USF3: variants seen among roughly 807,000 people sequenced by gnomAD.
The protein encoded by USF3 is upstream transcription factor family member 3.
A neutral mutation model predicts 157.5 loss-of-function variants in USF3; 29 were observed. The observed-to-expected ratio is 0.18, with a 90% confidence interval of 0.14 to 0.25. The LOEUF (loss-of-function observed/expected upper bound fraction) is 0.25, where lower values mean the gene tolerates loss of function less well. USF3 is among the 10% of genes least tolerant of loss of function. The pLI, the probability that USF3 is intolerant of heterozygous loss-of-function variation, is 1.00. For missense variants in USF3, 2,381 were observed against 2,667.6 expected (o/e 0.89, Z 2.37); for synonymous variants, 893 against 941.4 (o/e 0.95, Z 0.94).
At chr3:113,667,107 T>G (rs1402309579) in intron 5 of USF3, among the ~76,000 whole-genome samples, 1 of 151,100 alleles carries the variant, frequency 6.6e-6, no homozygotes, top group African/African-American at 2.4e-5. Flanking sequence ...AGTCCTTTGT[T>G]TGGCAATTTA....
chr3:113,673,296 T>G (rs1253510378), intron 4 of USF3, 52 bp downstream of exon 4: 1 of 1,251,494 alleles, frequency 8.0e-7, no homozygotes, highest in Non-Finnish European at 1.2e-6. Context: ...TGCAGTATGA[T>G]TTCATTTTGA....
Position 113,657,893 on chromosome 3 carries a change from A to T in USF3, c.3789T>A (p.Thr1263=). The T allele has an allele frequency of 6.2e-7, 1 of 1,614,210 alleles. No homozygotes were observed. The highest frequency in any genetic ancestry group is 8.5e-7 in the Non-Finnish European group (1 of 1,180,034). ...TTGCAGGCACAGTTGTTTGCTCTGAAGTTGGGGATAAACCCGCACAGCTGG... is the reference window on the plus strand; with the variant it reads ...TTGCAGGCACAGTTGTTTGCTCTGATGTTGGGGATAAACCCGCACAGCTGG... ...PLASCAGLSP[T]SEQTTVPATV... The change falls in exon 7 of 7, where the codon ACT becomes ACA. Residue 1263 remains threonine (T), a synonymous_variant. Transcript: ENST00000316407.
chr3:113,658,956 G>A lies in USF3; in HGVS notation c.2726C>T (p.Ser909Phe). The A allele has an allele frequency of 6.2e-7, 1 of 1,614,144 alleles. No individual in the cohort carries two copies. Residue 909 changes from serine to phenylalanine, a missense_variant, in exon 7 of 7, where the codon TCC (serine) becomes TTC (phenylalanine). Ser to Phe is a radical substitution (Grantham distance 155). Transcript: ENST00000316407. ...SEHFAMAAAK[S>F]KDSTPNLQQE... ...TTGTAGATTAGGGGTAGAATCTTTG[G>A]ATTTTGCTGCGGCCATTGCAAAATG...
At chr3:113,668,130 T>G (rs890687172) in intron 5 of USF3, among the ~76,000 whole-genome samples, 1 of 151,972 alleles carries the variant, frequency 6.6e-6, no homozygotes, top group Non-Finnish European at 1.5e-5. Context: ...AACCACCCCC[T>G]ACCCTGCCCC....
chr3:113,681,800 A>G (rs1252090001), intron 1 of USF3, among the ~76,000 whole-genome samples: 1 of 151,054 alleles, frequency 6.6e-6, no homozygotes, highest in East Asian at 2.0e-4. Flanking sequence ...GCTCACTGCA[A>G]CCTCCACCTC....
intron 3 of USF3, 123 bp downstream of exon 3, chr3:113,674,709 A>T (rs1337749146): frequency 2.6e-6 from 2 of 769,260 alleles, no homozygotes; most frequent in Non-Finnish European, 4.7e-6. Context: ...ATATTTTTGG[A>T]GAGTAATAAT....
At chr3:113,688,502 T>C (rs118110526) in intron 1 of USF3, among the ~76,000 whole-genome samples, 1,564 of 152,318 alleles carry the variant, frequency 0.01, 11 homozygotes, top group Non-Finnish European at 0.019. Context: ...GAAAACTGAA[T>C]ACTCATCAGA....
chr3:113,655,829 C>T lies in USF3; in HGVS notation c.5853G>A (p.Leu1951=), dbSNP rs910233034. The T allele has an allele frequency of 1.2e-6, 2 of 1,614,004 alleles. No individual in the cohort carries two copies. Among genetic ancestry groups the T allele is most frequent in the African/African-American group, 1.3e-5 (1 of 74,892 alleles). Reference sequence around the variant, plus strand: ...TTCCATGAGACACAGATGGATGTGGCAACGCTGGCCTTGCAACCCCATGCA... The same window carrying T: ...TTCCATGAGACACAGATGGATGTGGTAACGCTGGCCTTGCAACCCCATGCA... ...TNMHGVARPA[L]PHPSVSHGNG... Residue 1951 remains leucine (L), a synonymous_variant, in exon 7 of 7, where the codon TTG becomes TTA. Transcript: ENST00000316407.
At chr3:113,681,097 C>T (rs574929387) in intron 1 of USF3, among the ~76,000 whole-genome samples, 36 of 152,128 alleles carry the variant, frequency 2.4e-4, no homozygotes, top group Non-Finnish European at 3.8e-4. Context: ...CCTACCTCAG[C>T]CTCCCGAGTA....
intron 6 of USF3, among the ~76,000 whole-genome samples, chr3:113,664,050 T>C (rs1314131869): frequency 6.6e-6 from 1 of 152,192 alleles, no homozygotes; most frequent in Non-Finnish European, 1.5e-5. Context: ...ACTAGTATCA[T>C]GAGTTAGGCA....
At chr3:113,669,859 T>G (rs1388835508) in intron 5 of USF3, among the ~76,000 whole-genome samples, 2 of 152,190 alleles carry the variant, frequency 1.3e-5, no homozygotes, top group East Asian at 3.8e-4. Flanking sequence ...GAGTGGCATA[T>G]ATGTAAACAT....
chr3:113,688,140 A>T (rs1707598763), intron 1 of USF3, among the ~76,000 whole-genome samples: 1 of 148,716 alleles, frequency 6.7e-6, no homozygotes, highest in Non-Finnish European at 1.5e-5. Flanking sequence ...TTTTTTTGAG[A>T]CGGAGTCTCA....
rs569494428 is a variant in USF3, at chr3:113,650,690, G to A, written c.*4254C>T. On this transcript the variant is annotated 3_prime_UTR_variant, in exon 7 of 7. Coordinates refer to ENST00000316407, the MANE Select transcript of USF3 (RefSeq NM_001009899.4). Reference sequence around the variant, plus strand: ...GGCTAATGTTAGAAGGCAAGAGCAAGGCAAATAAATTATCTTTAAAATACT... The same window carrying A: ...GGCTAATGTTAGAAGGCAAGAGCAAAGCAAATAAATTATCTTTAAAATACT... 1.3e-4 allele frequency: 20 copies of A among 152,066 alleles called. No individual in the cohort carries two copies. Among genetic ancestry groups the A allele is most frequent in the Non-Finnish European group, 2.8e-4 (19 of 68,020 alleles). The allele number at this position is 152,066 out of a possible 1,614,324, so 9.4% of individuals were successfully genotyped here.
rs1345936720 is a variant in USF3, at chr3:113,660,984, G to A, written c.698C>T (p.Ala233Val). Residue 233 changes from alanine to valine, a missense_variant, in exon 7 of 7, where the codon GCT becomes GTT. Physicochemically the swap from Ala to Val is moderately conservative, Grantham distance 64. Around this residue, in one of 6 missense-constraint regions of USF3, gnomAD observed 1,435 missense variants for 1,550.9 expected, o/e 0.93. Transcript: ENST00000316407. ...VPLCLPAAIS[A>V]QSILELPTSE... ...GGTGGGAAGCTCGAGAATACTCTGA[G>A]CAGAAATGGCAGCAGGAAGACAAAG... 4 of 1,614,020 alleles carry A rather than the reference G, an allele frequency of 2.5e-6. No homozygotes were observed. Among genetic ancestry groups the A allele is most frequent in the Non-Finnish European group, 2.5e-6 (3 of 1,180,028 alleles).
chr3:113,649,975 C>A lies in USF3; in HGVS notation c.*4969G>T. 1 of 650,382 alleles carries A rather than the reference C, an allele frequency of 1.5e-6. No individual in the cohort carries two copies. Among genetic ancestry groups the A allele is most frequent in the Non-Finnish European group, 2.7e-6 (1 of 364,020 alleles). 40.3% of individuals were successfully genotyped at this position (650,382 alleles called of 1,614,324 possible). On this transcript the variant is annotated 3_prime_UTR_variant, in exon 7 of 7. Transcript: ENST00000316407. ...AAAAGGCATCTTGAGAAGAAACTAA[C>A]TTCTGCCTTTAATTTGCATATAAGT...
At chr3:113,695,070 A>C (rs561584136) in intron 1 of USF3, among the ~76,000 whole-genome samples, 7 of 152,250 alleles carry the variant, frequency 4.6e-5, no homozygotes, top group African/African-American at 1.4e-4. Flanking sequence ...AAGTTTACGA[A>C]CTTGTCTTCT....
intron 6 of USF3, among the ~76,000 whole-genome samples, chr3:113,662,477 T>C (rs981587323): frequency 6.6e-5 from 10 of 152,218 alleles, no homozygotes; most frequent in African/African-American, 1.9e-4. Context: ...TTCCAAAGCA[T>C]CCTATTCTCC....
Position 113,661,142 on chromosome 3 carries a change from G to A in USF3, c.540C>T (p.Thr180=), listed in dbSNP as rs866817795. ...TCCTCTGTACTGGCACCACATTGGCGGTCTGCTTTTGTAAATTATGACTAA... is the reference window on the plus strand; with the variant it reads ...TCCTCTGTACTGGCACCACATTGGCAGTCTGCTTTTGTAAATTATGACTAA... ...FNVSHNLQKQ[T]ANVVPVQRTC... Residue 180 remains threonine (T), a synonymous_variant, in exon 7 of 7, where the codon ACC becomes ACT. Coordinates refer to ENST00000316407, the MANE Select transcript of USF3 (RefSeq NM_001009899.4). 1.6e-5 allele frequency: 26 copies of A among 1,613,964 alleles called. No individual in the cohort carries two copies. The highest frequency in any genetic ancestry group is 3.3e-4 in the Middle Eastern group (2 of 6,084).
intron 4 of USF3, among the ~76,000 whole-genome samples, chr3:113,670,948 T>C (rs1175532266): frequency 6.6e-6 from 1 of 152,100 alleles, no homozygotes; most frequent in East Asian, 1.9e-4. Flanking sequence ...TCTTGCCATG[T>C]TGCCTAGGAT....
Sources: allele counts gnomAD v4.1 joint callset (sites outside exome capture counted in the v4.1 genomes callset), GRCh38; gene constraint gnomAD v4.1.1; regional missense constraint gnomAD v4.1.1; transcripts MANE v1.5; gene names NCBI Gene and HGNC (gene_info 2026-07-23, HGNC 2026-07-21).